The following ALDH1A2 variants were observed in gnomAD, a reference collection of about 807,000 sequenced individuals.
ALDH1A2 encodes the protein retinal dehydrogenase 2.
In ALDH1A2, 27 loss-of-function variants were observed where a neutral mutation model predicts 60.3. The observed-to-expected ratio is 0.45, with a 90% CI of 0.33 to 0.62. The LOEUF (loss-of-function observed/expected upper bound fraction) is 0.62. Ranked by LOEUF, ALDH1A2 falls within the 20% of genes least tolerant of loss-of-function variation. The pLI is 0.02. For missense variants in ALDH1A2, 581 were observed against 643.8 expected (o/e 0.90, Z 1.06); for synonymous variants, 289 against 232.4 (o/e 1.24, Z -2.21).
chr15:58,003,272 TTGTTG>T (rs1294380372), intron 4 of ALDH1A2, among the ~76,000 whole-genome samples: 5 of 151,806 alleles, frequency 3.3e-5, no homozygotes, highest in African/African-American at 1.2e-4. Context: ...CAAGCCCTGG[TTGTTG>T]TTAGGTGGGC....
At chr15:58,037,699 A>G (rs1896411696) in intron 1 of ALDH1A2, among the ~76,000 whole-genome samples, 1 of 151,714 alleles carries the variant, frequency 6.6e-6, no homozygotes, top group African/African-American at 2.4e-5. Flanking sequence ...CACATAATTC[A>G]GAAGAAATTG....
rs749557551 is a variant in ALDH1A2 at position 57,955,245 on chromosome 15, G to A, written c.1509C>T (p.Tyr503=). 2.0e-5 allele frequency: 32 copies of A among 1,613,934 alleles called. No homozygotes were observed. Among genetic ancestry groups the A allele is most frequent in the Admixed American group, 1.2e-4 (7 of 60,002 alleles). Residue 503 remains tyrosine, a synonymous_variant, in exon 13 of 13, where the codon TAC becomes TAT. Coordinates refer to ENST00000249750, the MANE Select transcript of ALDH1A2 (RefSeq NM_003888.4). ...REMGEFGLRE[Y]SEVKTVTVKI... is the part of the protein sequence containing the mutation. ...TTACTGTCACCGTCTTAACTTCTGAGTACTCCCGCAAGCCAAATTCTCCCC... is the reference window on the plus strand; with the variant it reads ...TTACTGTCACCGTCTTAACTTCTGAATACTCCCGCAAGCCAAATTCTCCCC...
intron 1 of ALDH1A2, among the ~76,000 whole-genome samples, chr15:58,026,618 G>C (rs1896087011): frequency 6.6e-6 from 1 of 152,164 alleles, no homozygotes; most frequent in African/African-American, 2.4e-5. Flanking sequence ...TCCTAGCCAA[G>C]GGAAGCCATG....
At chr15:57,986,571 C>CAAAAAAAAAAAA (rs71116542) in intron 7 of ALDH1A2, among the ~76,000 whole-genome samples, 2 of 82,072 alleles carry the variant, frequency 2.4e-5, no homozygotes, top group African/African-American at 5.1e-5. Context: ...ACAGAAAAGC[C>CAAAAAAAAAAAA]AAAAAAAAAA....
chr15:58,002,937 T>C (rs1895323013), intron 4 of ALDH1A2, among the ~76,000 whole-genome samples: 1 of 151,896 alleles, frequency 6.6e-6, no homozygotes, highest in Admixed American at 6.6e-5. Flanking sequence ...ACTATGATGA[T>C]AAACTCTATA....
At chr15:57,976,792 G>A (rs535260353) in intron 7 of ALDH1A2, among the ~76,000 whole-genome samples, 180 of 152,308 alleles carry the variant, frequency 1.2e-3, no homozygotes, top group African/African-American at 4.0e-3. Flanking sequence ...TAATGCGATT[G>A]TTGGGTCAAA....
chr15:58,003,910 A>C (rs1414949755), intron 4 of ALDH1A2, among the ~76,000 whole-genome samples: 3 of 151,910 alleles, frequency 2.0e-5, no homozygotes, highest in Non-Finnish European at 2.9e-5. Context: ...ATGGTCAGAG[A>C]CAATGGCTCC....
chr15:57,958,214 G>GCGCACACACACACACACACA (rs67551670), intron 12 of ALDH1A2, among the ~76,000 whole-genome samples: 278 of 151,812 alleles, frequency 1.8e-3, no homozygotes, highest in African/African-American at 4.0e-3. Flanking sequence ...GTACACGCAC[G>GCGCACACACACACACACACA]CACACACACA....
intron 7 of ALDH1A2, among the ~76,000 whole-genome samples, chr15:57,981,289 A>AACACACAC (rs775138747): frequency 0.033 from 4,699 of 142,066 alleles, 79 homozygotes; most frequent in Non-Finnish European, 0.038. Flanking sequence ...TAGAAGAGCA[A>AACACACAC]ACACACACAC....
intron 1 of ALDH1A2, among the ~76,000 whole-genome samples, chr15:58,028,187 C>T (rs1166157839): frequency 6.6e-6 from 1 of 152,198 alleles, no homozygotes; most frequent in Non-Finnish European, 1.5e-5. Context: ...GCCCATCAGA[C>T]TAACAGCAGA....
At position 58,065,024 on chromosome 15, in the gene ALDH1A2, G is replaced by C. The variant is rs180725764; in HGVS notation, c.117+510C>G. ...AGGTTTCCGTGAAATTTGTCAAACC[G>C]GCCAGAGCGCTGGTGTCTTGACAAT... On this transcript the variant is annotated intron_variant, in intron 1 of 12. Coordinates refer to ENST00000249750, the MANE Select transcript of ALDH1A2 (RefSeq NM_003888.4). Among the ~76,000 whole-genome samples, 72 of 152,302 alleles carry C rather than the reference G, an allele frequency of 4.7e-4. No homozygotes were observed. The East Asian group carries it at 0.013, about 28-fold the overall frequency.
At chr15:57,968,312 G>A (rs1215492215) in intron 7 of ALDH1A2, among the ~76,000 whole-genome samples, 1 of 152,166 alleles carries the variant, frequency 6.6e-6, no homozygotes, top group Non-Finnish European at 1.5e-5. Context: ...CTACACAGTA[G>A]GTTTTATCTC....
At chr15:58,017,176 T>C (rs1427204196) in intron 1 of ALDH1A2, among the ~76,000 whole-genome samples, 2 of 152,166 alleles carry the variant, frequency 1.3e-5, no homozygotes, top group African/African-American at 4.8e-5. Context: ...TTCTAACCCA[T>C]TAATTATTTA....
intron 4 of ALDH1A2, among the ~76,000 whole-genome samples, chr15:58,003,614 G>A (rs149719105): frequency 6.6e-6 from 1 of 151,876 alleles, no homozygotes; most frequent in Non-Finnish European, 1.5e-5. Flanking sequence ...ACTTGCTACA[G>A]AGAAAAATCT....
chr15:58,054,246 A>T (rs1896842934), intron 1 of ALDH1A2, among the ~76,000 whole-genome samples: 1 of 152,172 alleles, frequency 6.6e-6, no homozygotes, highest in African/African-American at 2.4e-5. Flanking sequence ...GAGGAATAAA[A>T]AAGGAAAGAA....
intron 1 of ALDH1A2, among the ~76,000 whole-genome samples, chr15:58,017,966 C>G (rs372264115): frequency 6.4e-4 from 97 of 152,190 alleles, no homozygotes; most frequent in African/African-American, 2.2e-3. Flanking sequence ...ATATGGACAA[C>G]TTTGTTGGTA....
chr15:58,057,380 T>C (rs542556091), intron 1 of ALDH1A2, among the ~76,000 whole-genome samples: 3 of 151,922 alleles, frequency 2.0e-5, no homozygotes, highest in East Asian at 1.9e-4. Context: ...CGCAAAACAA[T>C]AGCATGTATT....
At chr15:57,999,128 G>C (rs1895169719) in intron 4 of ALDH1A2, among the ~76,000 whole-genome samples, 1 of 152,024 alleles carries the variant, frequency 6.6e-6, no homozygotes, top group African/African-American at 2.4e-5. Context: ...TACCATTCAG[G>C]ACATGGGCAT....
At chr15:58,018,048 G>C (rs1183472432) in intron 1 of ALDH1A2, among the ~76,000 whole-genome samples, 2 of 152,074 alleles carry the variant, frequency 1.3e-5, no homozygotes, top group African/African-American at 2.4e-5. Context: ...CGAAAGTTTT[G>C]AATCCTGTCC....
Sources: allele counts gnomAD v4.1 joint callset (sites outside exome capture counted in the v4.1 genomes callset), GRCh38; gene constraint gnomAD v4.1.1; transcripts MANE v1.5; gene names NCBI Gene and HGNC (gene_info 2026-07-23, HGNC 2026-07-21).